The following CENPI variants were observed in gnomAD, a reference collection of about 807,000 sequenced individuals.
The protein encoded by CENPI is centromere protein I, also known as FSH primary response 1.
In CENPI, 4 loss-of-function variants were observed where a neutral mutation model predicts 60.4. The observed-to-expected ratio is 0.07, with a 90% CI of 0.03 to 0.15. CENPI has a LOEUF of 0.15. CENPI is among the 10% of genes least tolerant of loss of function. The pLI, the probability that CENPI is intolerant of heterozygous loss-of-function variation, is 1.00. For missense variants in CENPI, 444 were observed against 534.5 expected, an observed-to-expected ratio of 0.83 and a Z score of 1.67; for synonymous variants, 157 against 189.4, an observed-to-expected ratio of 0.83 and a Z score of 1.40.
rs1367375962 is a variant in CENPI at position 101,127,633 on chromosome X, C to T, written c.1042C>T (p.Pro348Ser). The T allele has an allele frequency of 6.7e-6, 8 of 1,187,391 alleles. No individual in the cohort carries two copies. The highest frequency in any genetic ancestry group is 6.8e-6 in the Non-Finnish European group (6 of 884,218). The change falls in exon 11 of 22, where the codon CCC becomes TCC. Residue 348 changes from proline to serine, a missense_variant. By Grantham distance (74) the Pro-to-Ser change is moderately conservative. Coordinates refer to ENST00000682095, the MANE Select transcript of CENPI (RefSeq NM_001386188.2). ...TCCACTAGAACAACTTCAAAGCTTC[C>T]CCCAACTTTTACAGAACATCCATTG... is the stretch of plus-strand genomic sequence containing the variant. ...SFPLEQLQSF[P>S]QLLQNIHCLE...
chrX:101,169,735 T>C (rs2148276504), downstream of CENPI, among the ~76,000 whole-genome samples: 1 of 111,657 alleles, frequency 9.0e-6, no homozygotes, highest in South Asian at 3.8e-4. Flanking sequence ...TGCTTATTAG[T>C]GCCCCCGAAG....
chrX:101,104,876 A>G (rs2089465446), intron 4 of CENPI, among the ~76,000 whole-genome samples: 1 of 109,850 alleles, frequency 9.1e-6, no homozygotes, highest in African/African-American at 3.3e-5. Flanking sequence ...AAGAAAAATT[A>G]AGACAGCTCT....
chrX:101,138,502 A>T (rs1426332215), intron 15 of CENPI, among the ~76,000 whole-genome samples: 1 of 106,121 alleles, frequency 9.4e-6, no homozygotes, highest in African/African-American at 3.5e-5. Context: ...TAATTTTTGT[A>T]TTTTCAGTAG....
At chrX:101,105,584 T>A (rs1168347954) in intron 4 of CENPI, among the ~76,000 whole-genome samples, 1 of 111,221 alleles carries the variant, frequency 9.0e-6, no homozygotes, top group East Asian at 2.8e-4. Flanking sequence ...TTTTAGAAAT[T>A]TTTTTTTCGT....
intron 21 of CENPI, among the ~76,000 whole-genome samples, chrX:101,162,473 A>AAATATATAT (rs1303045267): frequency 1.3e-4 from 9 of 68,129 alleles, no homozygotes; most frequent in African/African-American, 6.2e-4. Flanking sequence ...AAAAAAAAAA[A>AAATATATAT]ATATATATAT....
downstream of CENPI, among the ~76,000 whole-genome samples, chrX:101,167,132 G>T (rs2148275637): frequency 8.9e-6 from 1 of 112,646 alleles, no homozygotes; most frequent in East Asian, 2.8e-4. Flanking sequence ...AGGCTATGGT[G>T]TCACACATAA....
At chrX:101,120,527 T>A in intron 7 of CENPI, 77 bp downstream of exon 7, 1 of 626,615 alleles carries the variant, frequency 1.6e-6, no homozygotes, top group Non-Finnish European at 2.6e-6. Context: ...TTAAAATAAC[T>A]ATTAGCATTA....
intron 20 of CENPI, 97 bp downstream of exon 20, chrX:101,148,258 G>C: frequency 1.4e-6 from 1 of 727,639 alleles, no homozygotes; most frequent in South Asian, 2.5e-5. Context: ...ATTGTAAGAC[G>C]TGTGTTTAGT....
chrX:101,144,444 G>A (rs1405404909), intron 16 of CENPI, among the ~76,000 whole-genome samples: 1 of 104,464 alleles, frequency 9.6e-6, no homozygotes, highest in Non-Finnish European at 1.9e-5. Flanking sequence ...GAGTGAGGTG[G>A]TGCACTCTCG....
chrX:101,178,398 C>CTTTTTTTTTTTTTTTTT, the CENPI span, among the ~76,000 whole-genome samples: 55 of 39,978 alleles, frequency 1.4e-3, 3 homozygotes, highest in African/African-American at 1.8e-3. Context: ...TTTTCTTCTT[C>CTTTTTTTTTTTTTTTTT]TTTTTTTTTT....
chrX:101,136,152 A>T (rs2089846220), intron 15 of CENPI, among the ~76,000 whole-genome samples: 2 of 112,537 alleles, frequency 1.8e-5, no homozygotes, highest in Non-Finnish European at 3.7e-5. Flanking sequence ...TTAGTATAGG[A>T]CACTGCTTAC....
intron 15 of CENPI, among the ~76,000 whole-genome samples, chrX:101,133,483 C>T (rs2089817508): frequency 9.2e-6 from 1 of 108,900 alleles, no homozygotes; most frequent in Admixed American, 1.0e-4. Context: ...TGGCAGTTGG[C>T]TGTGGTTCAA....
rs1355903074 is a variant in CENPI at position 101,114,477 on chromosome X, AC to A, written c.591+4485del. On this transcript the variant is annotated intron_variant, in intron 6 of 21. Transcript: ENST00000682095. ...TTGCTATCACTCCCATCTCTCTATT[AC>A]CCCCCTAGCTCTAAGCAACCCCTAA... 2.7e-5 allele frequency among the ~76,000 whole-genome samples: 3 copies of A among 109,990 alleles called. No homozygotes were observed. In the East Asian group the frequency reaches 8.5e-4, roughly 31 times the overall value.
intron 8 of CENPI, among the ~76,000 whole-genome samples, chrX:101,123,910 A>G (rs1347220354): frequency 8.9e-6 from 1 of 111,742 alleles, no homozygotes; most frequent in African/African-American, 3.3e-5. Flanking sequence ...TTATTTGTTC[A>G]TATTTAAAAG....
intron 4 of CENPI, among the ~76,000 whole-genome samples, chrX:101,103,569 G>A (rs958743445): frequency 1.8e-5 from 2 of 109,280 alleles, no homozygotes; most frequent in African/African-American, 3.3e-5. Flanking sequence ...TCGAACTCCC[G>A]ACCTCAGGTG....
chrX:101,115,254 G>A (rs752077909), intron 6 of CENPI, among the ~76,000 whole-genome samples: 4 of 108,731 alleles, frequency 3.7e-5, no homozygotes, highest in South Asian at 8.2e-4. Context: ...TTGAGCCACC[G>A]AGCCCGGCCA....
rs181641011 is a variant in CENPI at position 101,148,109 on chromosome X, A to G, written c.2042A>G (p.Asn681Ser). 70 of 1,187,692 alleles carry G rather than the reference A, an allele frequency of 5.9e-5. No homozygotes were observed. In the East Asian group the frequency reaches 1.5e-3, roughly 25 times the overall value. Residue 681 changes from asparagine to serine, a missense_variant, in exon 20 of 22, where the codon AAT becomes AGT. Transcript: ENST00000682095. ...TGVAEYKNSL[N>S]VVHHPSFLSY... ...GTGGCTGAATATAAAAACAGTTTAAATGTAGTCCATCATCCTTCTTTCTTG... is the reference window on the plus strand; with the variant it reads ...GTGGCTGAATATAAAAACAGTTTAAGTGTAGTCCATCATCCTTCTTTCTTG...
chrX:101,151,484 A>T (rs1316668858), intron 20 of CENPI, among the ~76,000 whole-genome samples: 2 of 110,671 alleles, frequency 1.8e-5, no homozygotes, highest in Admixed American at 1.9e-4. Context: ...TTGTTACTTT[A>T]AAAAAAAATC....
chrX:101,103,140 C>A (rs749259147), intron 4 of CENPI, among the ~76,000 whole-genome samples: 8 of 105,526 alleles, frequency 7.6e-5, no homozygotes, highest in Non-Finnish European at 1.2e-4. Flanking sequence ...ATTACAGGTG[C>A]CTGCCACCAC....
Sources: gnomAD v4.1 joint callset for allele counts (sites outside exome capture counted in the v4.1 genomes callset) on GRCh38, gnomAD v4.1.1 for gene constraint, MANE v1.5 for transcripts, NCBI Gene and HGNC (gene_info 2026-07-23, HGNC 2026-07-21) for gene names.